ENPEP: variants seen among roughly 807,000 people sequenced by gnomAD.
ENPEP encodes the protein glutamyl aminopeptidase.
ENPEP carries 103 observed loss-of-function variants against 114.5 expected under a neutral mutation model. That is an observed-to-expected ratio of 0.90 (90% CI 0.77 to 1.06). The LOEUF is 1.06. Among genes scored for constraint, ENPEP ranks in the 50% least tolerant of loss-of-function variants. The probability of loss-of-function intolerance (pLI) is 0.00; values close to 1 mark genes in which losing one functional copy is unlikely to be tolerated. For missense variants in ENPEP, 1,196 were observed against 1,161.3 expected, an observed-to-expected ratio of 1.03 and a Z score of -0.43; for synonymous variants, 420 against 422.0, an observed-to-expected ratio of 1.00 and a Z score of 0.06.
chr4:110,511,509 A>G (rs986272354), intron 6 of ENPEP, among the ~76,000 whole-genome samples: 3 of 152,180 alleles, frequency 2.0e-5, no homozygotes, highest in Non-Finnish European at 2.9e-5. Flanking sequence ...CTGATTTTAT[A>G]ATTTATTGAA....
At chr4:110,518,447 G>A (rs377025238) in intron 8 of ENPEP, among the ~76,000 whole-genome samples, 4 of 152,184 alleles carry the variant, frequency 2.6e-5, no homozygotes, top group Admixed American at 6.6e-5. Flanking sequence ...CTAGGTCATC[G>A]TGTAATTTTG....
chr4:110,524,197 T>C (rs751571664), intron 10 of ENPEP, among the ~76,000 whole-genome samples: 3 of 152,158 alleles, frequency 2.0e-5, no homozygotes, highest in Non-Finnish European at 2.9e-5. Flanking sequence ...CAGAGGCATT[T>C]AAAGTCCAAT....
At position 110,543,033 on chromosome 4, in the gene ENPEP, C is replaced by T. The variant is rs139405480; in HGVS notation, c.1963C>T (p.Arg655Cys). Residue 655 changes from arginine to cysteine, a missense_variant, in exon 13 of 20, where the codon CGT becomes TGT. Transcript: ENST00000265162. Reference protein sequence around the residue: ...LNHKTFSSADRASLIDDAFAL... With the variant: ...LNHKTFSSADCASLIDDAFAL... ...TTCCCAGACATTTTCTTCAGCAGAT[C>T]GTGCAAGTCTTATTGATGATGCTTT... 71 of 1,612,942 alleles carry T rather than the reference C, an allele frequency of 4.4e-5. No individual in the cohort carries two copies. The highest frequency in any genetic ancestry group is 1.6e-4 in the Middle Eastern group (1 of 6,080).
At position 110,542,716 on chromosome 4, in the gene ENPEP, A is replaced by G. The variant is rs1462992978; in HGVS notation, c.1808-35A>G. 3.2e-6 allele frequency: 5 copies of G among 1,573,432 alleles called. No homozygotes were observed. The African/African-American group carries it at 4.1e-5, about 13-fold the overall frequency. On this transcript the variant is annotated intron_variant, in intron 11 of 19. Transcript: ENST00000265162. Reference sequence around the variant, plus strand: ...TTCTCTGTGTTGACAGTGCATGCAAACATGTTGCTCATTAGTGTTTATTTA... The same window carrying G: ...TTCTCTGTGTTGACAGTGCATGCAAGCATGTTGCTCATTAGTGTTTATTTA...
At position 110,510,274 on chromosome 4, in the gene ENPEP, G is replaced by C; in HGVS notation, c.1224G>C (p.Trp408Cys). The change falls in exon 6 of 20, where the codon TGG becomes TGC. Residue 408 changes from tryptophan (W) to cysteine (C), a missense_variant. Physicochemically the swap from Trp to Cys is radical, Grantham distance 215. Transcript: ENST00000265162. Reference protein sequence around the residue: ...QWFGNIVTMDWWEDLWLNEGF... With the variant: ...QWFGNIVTMDCWEDLWLNEGF... Reference sequence around the variant, plus strand: ...TTGGAAATATTGTGACCATGGACTGGTGGGAAGACTTGTGGCTAAATGAAG... The same window carrying C: ...TTGGAAATATTGTGACCATGGACTGCTGGGAAGACTTGTGGCTAAATGAAG... 3 of 1,614,156 alleles carry C rather than the reference G, an allele frequency of 1.9e-6. No individual in the cohort carries two copies. The highest frequency in any genetic ancestry group is 2.5e-6 in the Non-Finnish European group (3 of 1,180,016).
intron 8 of ENPEP, among the ~76,000 whole-genome samples, chr4:110,517,036 C>G (rs1015982332): frequency 6.6e-6 from 1 of 152,036 alleles, no homozygotes; most frequent in African/African-American, 2.4e-5. Context: ...CTCTGCCTCC[C>G]GGGTTCAAGC....
intron 17 of ENPEP, among the ~76,000 whole-genome samples, chr4:110,550,406 C>G (rs1560570547): frequency 6.6e-6 from 1 of 152,042 alleles, no homozygotes; most frequent in Non-Finnish European, 1.5e-5. Flanking sequence ...AACTTGAATT[C>G]CTTTGGCTGA....
intron 1 of ENPEP, among the ~76,000 whole-genome samples, chr4:110,486,530 T>C (rs1248694561): frequency 6.6e-6 from 1 of 152,210 alleles, no homozygotes; most frequent in African/African-American, 2.4e-5. Flanking sequence ...GAACCTCCAC[T>C]TGCCTGGCTT....
At chr4:110,519,241 A>G (rs1445923059) in intron 8 of ENPEP, 1 of 353,454 alleles carries the variant, frequency 2.8e-6, no homozygotes, top group East Asian at 7.3e-5. Flanking sequence ...TGATTTAGGT[A>G]CAGCACCTAC....
At chr4:110,484,567 A>T (rs1190004882) in intron 1 of ENPEP, among the ~76,000 whole-genome samples, 1 of 151,942 alleles carries the variant, frequency 6.6e-6, no homozygotes, top group Non-Finnish European at 1.5e-5. Context: ...CACACCGCAC[A>T]GAGAAATCTC....
chr4:110,482,953 G>A (rs1724369920), intron 1 of ENPEP, among the ~76,000 whole-genome samples: 1 of 152,192 alleles, frequency 6.6e-6, no homozygotes, highest in Admixed American at 6.5e-5. Context: ...AGGTTGTAGT[G>A]AGTCAAGATC....
chr4:110,558,364 T>G (rs1157181602), intron 18 of ENPEP, among the ~76,000 whole-genome samples: 1 of 151,256 alleles, frequency 6.6e-6, no homozygotes, highest in African/African-American at 2.4e-5. Flanking sequence ...CTTGGTTCAC[T>G]GCAGCCTCGA....
intron 1 of ENPEP, among the ~76,000 whole-genome samples, chr4:110,478,303 T>A (rs2110329010): frequency 6.6e-6 from 1 of 152,258 alleles, no homozygotes; most frequent in South Asian, 2.1e-4. Flanking sequence ...TCTGTAGGGG[T>A]CATGCTTATA....
At chr4:110,553,163 T>G in intron 17 of ENPEP, 152 bp from the exon 18 acceptor site, 1 of 633,630 alleles carries the variant, frequency 1.6e-6, no homozygotes, top group Non-Finnish European at 2.4e-6. Context: ...AATTTTAAGT[T>G]GTCTTTCATC....
At position 110,542,833 on chromosome 4, in the gene ENPEP, T is replaced by C; in HGVS notation, c.1890T>C (p.Asn630=). 2 of 1,613,280 alleles carry C rather than the reference T, an allele frequency of 1.2e-6. No individual in the cohort carries two copies. Among genetic ancestry groups the C allele is most frequent in the Non-Finnish European group, 1.7e-6 (2 of 1,179,464 alleles). Residue 630 remains asparagine, a synonymous_variant, in exon 12 of 20, where the codon AAT becomes AAC. Coordinates refer to ENST00000265162, the MANE Select transcript of ENPEP (RefSeq NM_001977.4). ...NPDHIGFYRV[N]YEVATWDSIA... Reference sequence around the variant, plus strand: ...ATCATATTGGGTTTTATCGTGTAAATTATGAAGTAGCAACTTGGGACTCGA... The same window carrying C: ...ATCATATTGGGTTTTATCGTGTAAACTATGAAGTAGCAACTTGGGACTCGA...
chr4:110,557,302 A>G (rs1727513697), intron 18 of ENPEP, among the ~76,000 whole-genome samples: 1 of 152,216 alleles, frequency 6.6e-6, no homozygotes, highest in Non-Finnish European at 1.5e-5. Flanking sequence ...GCTGAAGTCG[A>G]GTGAAGAAAA....
rs770890629 is a variant in ENPEP, at chr4:110,476,381, T to C, written c.-34T>C. 1 of 1,502,160 alleles carries C rather than the reference T, an allele frequency of 6.7e-7. No homozygotes were observed. The highest frequency in any genetic ancestry group is 8.9e-7 in the Non-Finnish European group (1 of 1,124,192). 93.1% of individuals were successfully genotyped at this position (1,502,160 alleles called of 1,614,324 possible). On this transcript the variant is annotated 5_prime_UTR_variant, in exon 1 of 20. Coordinates refer to ENST00000265162, the MANE Select transcript of ENPEP (RefSeq NM_001977.4). Reference sequence around the variant, plus strand: ...ACGTTAGTTAGTTAAATTTAACATCTTTTTATGTGTAACACTTGACTTTGG... The same window carrying C: ...ACGTTAGTTAGTTAAATTTAACATCCTTTTATGTGTAACACTTGACTTTGG...
At chr4:110,478,007 G>A (rs1350515811) in intron 1 of ENPEP, among the ~76,000 whole-genome samples, 1 of 152,170 alleles carries the variant, frequency 6.6e-6, no homozygotes, top group Non-Finnish European at 1.5e-5. Flanking sequence ...ACCTTGTGTT[G>A]TGTCTGGACT....
intron 6 of ENPEP, among the ~76,000 whole-genome samples, chr4:110,510,610 G>GA (rs55693513): frequency 0.047 from 6,416 of 135,974 alleles, 169 homozygotes; most frequent in South Asian, 0.072. Flanking sequence ...ATCAAGGCAG[G>GA]AAAAAAAAAA....
Sources: allele counts gnomAD v4.1 joint callset (sites outside exome capture counted in the v4.1 genomes callset), GRCh38; gene constraint gnomAD v4.1.1; transcripts MANE v1.5; gene names NCBI Gene and HGNC (gene_info 2026-07-23, HGNC 2026-07-21).